Variants in PTOV1 observed in about 807,000 individuals in gnomAD.
The protein encoded by PTOV1 is prostate tumor-overexpressed gene 1 protein.
A neutral mutation model predicts 58.0 loss-of-function variants in PTOV1; 20 were observed. The observed-to-expected ratio is 0.34, with a 90% CI of 0.24 to 0.50. PTOV1 has a LOEUF of 0.50. Among genes scored for constraint, PTOV1 ranks in the 20% least tolerant of loss-of-function variants. The probability of loss-of-function intolerance (pLI) is 0.98; values close to 1 mark genes in which losing one functional copy is unlikely to be tolerated. For missense variants in PTOV1, 593 were observed against 565.4 expected (o/e 1.05, Z -0.50); for synonymous variants, 335 against 234.2 (o/e 1.43, Z -3.93).
chr19:49,857,618 T>TGGC, intron 6 of PTOV1, 75 bp from the exon 7 acceptor site: 1 of 1,387,218 alleles, frequency 7.2e-7, no homozygotes, highest in Non-Finnish European at 1.0e-6. Flanking sequence ...GAGGGAGGGA[T>TGGC]GGCAGGCCCC....
chr19:49,853,640 G>A (rs1177790236), intron 1 of PTOV1, among the ~76,000 whole-genome samples: 4 of 151,940 alleles, frequency 2.6e-5, no homozygotes, highest in Admixed American at 1.3e-4. Flanking sequence ...AATAAAAATA[G>A]TGGGGAGAGT....
rs372882504 is a variant in PTOV1, at chr19:49,854,634, C to T, written c.310-18C>T. The T allele has an allele frequency of 2.4e-5, 39 of 1,613,350 alleles. 3 individuals carry two copies. In the Admixed American group the frequency reaches 2.7e-4, roughly 11 times the overall value. Reference sequence around the variant, plus strand: ...GGCATCTAGGCTGTGCACAGTGACGCCCCTCCTGCCCCCACAGAAGCGCAG... The same window carrying T: ...GGCATCTAGGCTGTGCACAGTGACGTCCCTCCTGCCCCCACAGAAGCGCAG... On this transcript the variant is annotated intron_variant, in intron 2 of 11. Transcript: ENST00000391842.
At chr19:49,856,179 G>T (rs1259771117) in intron 5 of PTOV1, 1 of 152,214 alleles carries the variant, frequency 6.6e-6, no homozygotes, top group Non-Finnish European at 1.5e-5. Context: ...GTTTGTTGAG[G>T]GCCTGCCATA....
rs2074568030 is a variant in PTOV1 at position 49,858,206 on chromosome 19, A to T, written c.936+92A>T. On this transcript the variant is annotated intron_variant, in intron 9 of 11. Transcript: ENST00000391842. Reference sequence around the variant, plus strand: ...CAAGAGCGCCTCCCCAGGTGGCCTGAGCTGGCTGTGAGGGAGCGGAGCTGA... The same window carrying T: ...CAAGAGCGCCTCCCCAGGTGGCCTGTGCTGGCTGTGAGGGAGCGGAGCTGA... The T allele has an allele frequency of 2.7e-6, 4 of 1,477,400 alleles. No individual in the cohort carries two copies. In the Admixed American group the frequency reaches 5.9e-5, roughly 22 times the overall value. 91.5% of individuals were successfully genotyped at this position (1,477,400 alleles called of 1,614,324 possible).
chr19:49,857,514 G>A (rs2074528506), intron 6 of PTOV1, 179 bp from the exon 7 acceptor site: 1 of 660,250 alleles, frequency 1.5e-6, no homozygotes, highest in Non-Finnish European at 2.7e-6. Flanking sequence ...CAGGCCACTG[G>A]GGAGCCATGG....
In PTOV1 at chr19:49,858,048, G is replaced by C. The variant is rs764908574; in HGVS notation, c.879-9G>C. On this transcript the variant is annotated splice_polypyrimidine_tract_variant and intron_variant, in intron 8 of 11. Coordinates refer to ENST00000391842, the Ensembl canonical transcript of PTOV1. ...GGCTTCCTGACCCTCGTCCCTTTGT[G>C]CCCCACAGGAGGACCGAGCAGTGGC... 16 of 1,614,086 alleles carry C rather than the reference G, an allele frequency of 9.9e-6. No individual in the cohort carries two copies. In the South Asian group the frequency reaches 1.8e-4, roughly 18 times the overall value.
At position 49,856,960 on chromosome 19, in the gene PTOV1, C is replaced by G. The variant is rs747772336; in HGVS notation, c.559-15C>G. The G allele has an allele frequency of 8.1e-6, 13 of 1,611,752 alleles. No homozygotes were observed. Among genetic ancestry groups the G allele is most frequent in the African/African-American group, 6.7e-5 (5 of 74,868 alleles). ...CGGGCAGTGACCACAGGGTCCTGAC[C>G]CGCGGCCCCCGCAGGCGGGCTGCAT... On this transcript the variant is annotated splice_polypyrimidine_tract_variant and intron_variant, in intron 5 of 11. Coordinates refer to ENST00000391842, the Ensembl canonical transcript of PTOV1.
chr19:49,858,724 G>C, intron 10 of PTOV1, 71 bp downstream of exon 10: 4 of 1,280,806 alleles, frequency 3.1e-6, no homozygotes, highest in Non-Finnish European at 4.4e-6. Flanking sequence ...TCACGGGGGC[G>C]GACATGGGAG....
intron 9 of PTOV1, 45 bp from the exon 10 acceptor site, chr19:49,858,504 G>A (rs767574428): frequency 4.0e-5 from 60 of 1,493,332 alleles, no homozygotes; most frequent in East Asian, 4.9e-5. Context: ...CCGGGAGGCC[G>A]TGGTGGGAGA....
At chr19:49,857,288 G>A in intron 6 of PTOV1, 158 bp downstream of exon 6, 1 of 1,084,222 alleles carries the variant, frequency 9.2e-7, no homozygotes, top group Non-Finnish European at 1.3e-6. Context: ...TCCCACCAGG[G>A]CTCCATGGAA....
At chr19:49,860,219 C>T (rs779751370) in intron 11 of PTOV1, 36 bp downstream of exon 11, 43 of 1,613,708 alleles carry the variant, frequency 2.7e-5, no homozygotes, top group Non-Finnish European at 3.5e-5. Context: ...CTCAGTCTCC[C>T]TCCACCCCCG....
exon 8 of PTOV1, chr19:49,857,930 C>G (rs547933623): frequency 5.0e-6 from 8 of 1,613,900 alleles, no homozygotes; most frequent in Non-Finnish European, 6.8e-6. Flanking sequence ...ACAGTCGGTC[C>G]AAGAGGTGGC....
At chr19:49,851,993 C>G in intron 1 of PTOV1, 1 of 985,510 alleles carries the variant, frequency 1.0e-6, no homozygotes, top group South Asian at 4.7e-5. Context: ...AGAATACGCG[C>G]CCGCGCCCAC....
chr19:49,860,382 G>C lies in PTOV1; in HGVS notation c.*103G>C, dbSNP rs139090214. The C allele has an allele frequency of 9.0e-4, 1,093 of 1,220,486 alleles. 11 individuals are homozygous for C. The African/African-American group carries it at 0.016, about 18-fold the overall frequency. The allele number at this position is 1,220,486 out of a possible 1,614,324, so 75.6% of individuals were successfully genotyped here. ...GTACAGGAGGGACCCTGGGGCATGTGGGGGGGGTGGGGTTGGGAAAGAAGC... is the reference window on the plus strand; with the variant it reads ...GTACAGGAGGGACCCTGGGGCATGTCGGGGGGGTGGGGTTGGGAAAGAAGC... On this transcript the variant is annotated 3_prime_UTR_variant, in exon 12 of 12. Coordinates refer to ENST00000391842, the Ensembl canonical transcript of PTOV1.
At chr19:49,858,235 T>C in intron 9 of PTOV1, 121 bp downstream of exon 9, 1 of 1,286,506 alleles carries the variant, frequency 7.8e-7, no homozygotes, top group Non-Finnish European at 1.1e-6. Context: ...GAGCTGAGGG[T>C]GCTGAAGCAG....
At chr19:49,851,316 G>T in exon 1 of PTOV1, 1 of 1,054,280 alleles carries the variant, frequency 9.5e-7, no homozygotes, top group Non-Finnish European at 1.1e-6. Flanking sequence ...CGCCCGCTCG[G>T]CCCGCGCCCG....
At chr19:49,850,980 C>A, upstream of PTOV1, 1 of 1,535,290 alleles carries the variant, frequency 6.5e-7, no homozygotes, top group Non-Finnish European at 8.7e-7. Flanking sequence ...TCCCGCCACG[C>A]CCCCTGAAGT....
intron 9 of PTOV1, 114 bp from the exon 10 acceptor site, chr19:49,858,435 A>AGGGAGGACAGGGGAGTCTCAGTTT (rs1188040560): frequency 1.2e-6 from 1 of 808,800 alleles, no homozygotes; most frequent in African/African-American, 1.7e-5. Flanking sequence ...TTCCTGAGGT[A>AGGGAGGACAGGGGAGTCTCAGTTT]GGGAGGACAG....
At chr19:49,857,099 C>T in exon 6 of PTOV1, 3 of 1,614,076 alleles carry the variant, frequency 1.9e-6, no homozygotes, top group Non-Finnish European at 2.5e-6. Context: ...TTCGTCAGTG[C>T]CATCCGGCAG....
Sources: allele counts gnomAD v4.1 joint callset (sites outside exome capture counted in the v4.1 genomes callset), GRCh38; gene constraint gnomAD v4.1.1; transcripts MANE v1.5; gene names NCBI Gene and HGNC (gene_info 2026-07-23, HGNC 2026-07-21).